Variants in PGR observed in about 807,000 individuals in gnomAD.
PGR encodes the protein progesterone receptor.
PGR carries 25 observed loss-of-function variants against 76.1 expected under a neutral mutation model. The ratio of observed to expected loss-of-function variants is 0.33; its 90% confidence interval spans 0.24 to 0.46. The LOEUF (loss-of-function observed/expected upper bound fraction) is 0.46. Among genes scored for constraint, PGR ranks in the 20% least tolerant of loss-of-function variants. The probability of loss-of-function intolerance (pLI) is 1.00; values close to 1 mark genes in which losing one functional copy is unlikely to be tolerated. For missense variants in PGR, 1,172 were observed against 1,225.3 expected, an observed-to-expected ratio of 0.96 and a Z score of 0.65; for synonymous variants, 579 against 535.0, an observed-to-expected ratio of 1.08 and a Z score of -1.14.
intron 2 of PGR, among the ~76,000 whole-genome samples, chr11:101,092,308 C>T (rs960249696): frequency 6.6e-6 from 1 of 152,050 alleles, no homozygotes; most frequent in Non-Finnish European, 1.5e-5. Context: ...ATTGAAGAGG[C>T]CTCTGGAAAA....
intron 3 of PGR, among the ~76,000 whole-genome samples, chr11:101,070,159 A>G (rs933964138): frequency 5.3e-5 from 8 of 152,122 alleles, no homozygotes; most frequent in African/African-American, 1.9e-4. Context: ...GACAGTAGCT[A>G]CAGCCCATGG....
rs35747049 is a variant in PGR at position 101,128,051 on chromosome 11, G to A, written c.1020C>T (p.Ala340=). Residue 340 remains alanine, a synonymous_variant, in exon 1 of 8, where the codon GCC becomes GCT. Transcript: ENST00000325455. ...DGGAGAASAF[A]PPRSSPCASS... is the part of the protein sequence containing the mutation. The stretch of plus-strand genomic sequence containing the variant: ...AGGCACAGGGTGAACTCCGCGGCGG[G>A]GCAAAGGCGCTGGCAGCCCCGGCCC... 1.0e-4 allele frequency: 165 copies of A among 1,604,174 alleles called. No individual in the cohort carries two copies. The African/African-American group carries it at 2.0e-3, about 19-fold the overall frequency.
chr11:101,108,809 T>C (rs1341236374), intron 2 of PGR, among the ~76,000 whole-genome samples: 2 of 152,352 alleles, frequency 1.3e-5, no homozygotes, highest in African/African-American at 4.8e-5. Context: ...TCGTATCTTA[T>C]TGCGCTTTGC....
intron 2 of PGR, among the ~76,000 whole-genome samples, chr11:101,104,585 T>A: frequency 6.6e-6 from 1 of 152,180 alleles, no homozygotes; most frequent in Non-Finnish European, 1.5e-5. Context: ...CTCTACATAA[T>A]TGGTGTTATT....
intron 3 of PGR, among the ~76,000 whole-genome samples, chr11:101,070,589 T>A (rs1304048312): frequency 6.6e-6 from 1 of 152,182 alleles, no homozygotes; most frequent in African/African-American, 2.4e-5. Flanking sequence ...AAATTCTCGC[T>A]GCCAGCACAG....
Position 101,129,180 on chromosome 11 carries a change from A to C in PGR, c.-110T>G. The C allele has an allele frequency of 2.6e-6, 1 of 386,984 alleles. No individual in the cohort carries two copies. Among genetic ancestry groups the C allele is most frequent in the Non-Finnish European group, 3.9e-6 (1 of 253,562 alleles). The allele number at this position is 386,984 out of a possible 1,614,324, so 24.0% of individuals were successfully genotyped here. On this transcript the variant is annotated 5_prime_UTR_variant, in exon 1 of 8. Transcript: ENST00000325455. The stretch of plus-strand genomic sequence containing the variant: ...AGAGGGAGGAGAAAGTGGGTGTTGA[A>C]TGTGGCTGGACCGGAGGGATCTCCA...
In PGR at chr11:101,031,513, C is replaced by T. The variant is rs1859350208; in HGVS notation, c.*7603G>A. 1 of 228,006 alleles carries T rather than the reference C, an allele frequency of 4.4e-6. No homozygotes were observed. The highest frequency in any genetic ancestry group is 8.7e-6 in the Non-Finnish European group (1 of 115,076). The allele number at this position is 228,006 out of a possible 1,614,324, so 14.1% of individuals were successfully genotyped here. On this transcript the variant is annotated 3_prime_UTR_variant, in exon 8 of 8. Coordinates refer to ENST00000325455, the MANE Select transcript of PGR (RefSeq NM_000926.4). ...AGCGCCAAGTTTTCTCTTCAACCTA[C>T]TGCTCACCAGTGCTCCCTCCTCAGC... is the stretch of plus-strand genomic sequence containing the variant.
chr11:101,117,441 C>T (rs1055167994), intron 2 of PGR, among the ~76,000 whole-genome samples: 2 of 151,676 alleles, frequency 1.3e-5, no homozygotes, highest in South Asian at 4.2e-4. Context: ...TTGTTGTTGT[C>T]TTTGACTTTA....
At chr11:101,115,769 C>A (rs373683461) in intron 2 of PGR, among the ~76,000 whole-genome samples, 3 of 147,114 alleles carry the variant, frequency 2.0e-5, no homozygotes, top group Admixed American at 6.8e-5. Flanking sequence ...GACTCCCTCT[C>A]AAAAAAAAAA....
Position 101,031,723 on chromosome 11 carries a change from G to A in PGR, c.*7393C>T, listed in dbSNP as rs1255800693. 1.3e-5 allele frequency: 3 copies of A among 222,238 alleles called. No individual in the cohort carries two copies. Among genetic ancestry groups the A allele is most frequent in the African/African-American group, 6.7e-5 (3 of 44,474 alleles). The allele number at this position is 222,238 out of a possible 1,614,324, so 13.8% of individuals were successfully genotyped here. A position where few individuals can be genotyped will look rare whatever the true frequency, so the allele number is the denominator to read the frequency against. Reference sequence around the variant, plus strand: ...TTGTTTTTAATGTAGGCTTTTAAATGGGCTTTGATGGAACTTGGTTCCATA... The same window carrying A: ...TTGTTTTTAATGTAGGCTTTTAAATAGGCTTTGATGGAACTTGGTTCCATA... On this transcript the variant is annotated 3_prime_UTR_variant, in exon 8 of 8. Transcript: ENST00000325455.
At chr11:101,065,695 C>T (rs1860687948) in intron 3 of PGR, among the ~76,000 whole-genome samples, 1 of 152,126 alleles carries the variant, frequency 6.6e-6, no homozygotes, top group Admixed American at 6.6e-5. Flanking sequence ...CCCCCACTCC[C>T]CTGCCCGCTG....
rs751123680 is a variant in PGR at position 101,127,765 on chromosome 11, C to T, written c.1306G>A (p.Glu436Lys). 5.1e-6 allele frequency: 8 copies of T among 1,561,746 alleles called. No individual in the cohort carries two copies. Among genetic ancestry groups the T allele is most frequent in the Admixed American group, 1.9e-5 (1 of 53,630 alleles). ...PPRATPSRPG[E>K]AAVTAAPASA... ...GCGGGTGCGGCCGTCACCGCCGCTTCCCCGGGTCTGGATGGGGTCGCTCGC... is the reference window on the plus strand; with the variant it reads ...GCGGGTGCGGCCGTCACCGCCGCTTTCCCGGGTCTGGATGGGGTCGCTCGC... The change falls in exon 1 of 8, where the codon GAA becomes AAA. Residue 436 changes from glutamate to lysine, a missense_variant. Around this residue, in one of 4 missense-constraint regions of PGR, gnomAD observed 893 missense variants for 785.9 expected, o/e 1.14. Coordinates refer to ENST00000325455, the MANE Select transcript of PGR (RefSeq NM_000926.4).
chr11:101,097,914 C>G (rs1591411840), intron 2 of PGR, among the ~76,000 whole-genome samples: 1 of 151,524 alleles, frequency 6.6e-6, no homozygotes, highest in Non-Finnish European at 1.5e-5. Flanking sequence ...GTAGCTGGAA[C>G]TACAGGCGCC....
chr11:101,086,703 G>T (rs1030345766), intron 3 of PGR, among the ~76,000 whole-genome samples: 1 of 151,988 alleles, frequency 6.6e-6, no homozygotes, highest in Non-Finnish European at 1.5e-5. Context: ...TCCACCAAAA[G>T]GCTCCTAAAA....
chr11:101,115,680 A>G (rs1243731501), intron 2 of PGR, among the ~76,000 whole-genome samples: 1 of 152,164 alleles, frequency 6.6e-6, no homozygotes, highest in Non-Finnish European at 1.5e-5. Flanking sequence ...CTGAGGCAGG[A>G]GAATCGCTTG....
chr11:101,083,211 G>C (rs1014580399), intron 3 of PGR, among the ~76,000 whole-genome samples: 2 of 152,184 alleles, frequency 1.3e-5, no homozygotes, highest in African/African-American at 2.4e-5. Flanking sequence ...CATGGTATTG[G>C]GCCTGCGGGT....
chr11:101,073,113 T>TAACA (rs766002291), intron 3 of PGR, among the ~76,000 whole-genome samples: 1 of 152,138 alleles, frequency 6.6e-6, no homozygotes. Context: ...ATGGAAATAA[T>TAACA]AACAAACAGT....
At chr11:101,096,500 C>T (rs1396941173) in intron 2 of PGR, among the ~76,000 whole-genome samples, 4 of 152,202 alleles carry the variant, frequency 2.6e-5, no homozygotes, top group Admixed American at 2.6e-4. Flanking sequence ...CAGGCATTGC[C>T]TCTGAACCAT....
chr11:101,091,772 T>C lies in PGR; in HGVS notation c.1894A>G (p.Met632Val). The change falls in exon 3 of 8, where the codon ATG (methionine) becomes GTG (valine). Residue 632 changes from methionine to valine, a missense_variant. Met to Val is a conservative substitution (Grantham distance 21). Coordinates refer to ENST00000325455, the MANE Select transcript of PGR (RefSeq NM_000926.4). The part of the protein sequence containing the change: ...CRLRKCCQAG[M>V]VLGGRKFKKF... The stretch of plus-strand genomic sequence containing the variant: ...ACATCAGAATTACCTCCAAGGACCA[T>C]GCCAGCCTGACAGCACTTTCTAAGG... 6.4e-7 allele frequency: 1 copy of C among 1,552,010 alleles called. No individual in the cohort carries two copies. The highest frequency in any genetic ancestry group is 8.9e-7 in the Non-Finnish European group (1 of 1,123,300).
Sources: gnomAD v4.1 joint callset for allele counts (sites outside exome capture counted in the v4.1 genomes callset) on GRCh38, gnomAD v4.1.1 for gene constraint, gnomAD v4.1.1 regional missense constraint, MANE v1.5 for transcripts, NCBI Gene and HGNC (gene_info 2026-07-23, HGNC 2026-07-21) for gene names.